The following SDK1 variants were observed in gnomAD, a reference collection of about 807,000 sequenced individuals.
The protein encoded by SDK1 is sidekick cell adhesion molecule 1.
SDK1 carries 157 observed loss-of-function variants against 245.5 expected under a neutral mutation model. The observed-to-expected ratio is 0.64, with a 90% CI of 0.56 to 0.73. The LOEUF is 0.73. SDK1 is among the 30% of genes least tolerant of loss of function. The pLI is 0.00. For synonymous variants in SDK1, 1,647 were observed against 1,278.5 expected (o/e 1.29, Z -6.15); for missense variants, 3,583 against 3,002.3 (o/e 1.19, Z -4.52).
At position 3,866,483 on chromosome 7, in the gene SDK1, G is replaced by A. The variant is rs114055944; in HGVS notation, c.847+44900G>A. Among the ~76,000 whole-genome samples the A allele has an allele frequency of 7.7e-3, 1,176 of 152,266 alleles. 18 individuals are homozygous for A. Among genetic ancestry groups the A allele is most frequent in the African/African-American group, 0.027 (1,101 of 41,536 alleles). On this transcript the variant is annotated intron_variant, in intron 5 of 44. Coordinates refer to ENST00000404826, the MANE Select transcript of SDK1 (RefSeq NM_152744.4). ...AAGTACACAGGCCTTAGGAAGGCGG[G>A]ACTTTTTTGTGTGTAGGGAAAGAAG...
intron 36 of SDK1, 149 bp from the exon 37 acceptor site, chr7:4,207,950 C>A: frequency 3.2e-6 from 2 of 629,814 alleles, no homozygotes; most frequent in Non-Finnish European, 2.8e-6. Context: ...CTCCCTGATT[C>A]CTCCAGGAGG....
At position 4,242,290 on chromosome 7, in the gene SDK1, C is replaced by T. The variant is rs549041581; in HGVS notation, c.6251+377C>T. Among the ~76,000 whole-genome samples, 6 of 152,268 alleles carry T rather than the reference C, an allele frequency of 3.9e-5. No individual in the cohort carries two copies. The East Asian group carries it at 1.2e-3, about 30-fold the overall frequency. On this transcript the variant is annotated intron_variant, in intron 43 of 44. Transcript: ENST00000404826. Reference sequence around the variant, plus strand: ...TGCCACAGGCCCGACCAGGTGTCCTCGCAAGCAAGCCTGGTGCTTGTTGCT... The same window carrying T: ...TGCCACAGGCCCGACCAGGTGTCCTTGCAAGCAAGCCTGGTGCTTGTTGCT...
At chr7:3,633,794 T>G (rs1414664460) in intron 2 of SDK1, among the ~76,000 whole-genome samples, 1 of 152,164 alleles carries the variant, frequency 6.6e-6, no homozygotes, top group African/African-American at 2.4e-5. Context: ...GTTGCATGGA[T>G]GGATATTGGG....
rs566584422 is a variant in SDK1 at position 3,528,329 on chromosome 7, C to T, written c.299-90751C>T. On this transcript the variant is annotated intron_variant, in intron 1 of 44. Coordinates refer to ENST00000404826, the MANE Select transcript of SDK1 (RefSeq NM_152744.4). ...ATGGTAGGAGGTAAGGTTGGATGAT[C>T]GTCAGCTGGGGGTTGAGTGGTGGGA... 1.6e-3 allele frequency among the ~76,000 whole-genome samples: 130 copies of T among 79,838 alleles called. 1 individual carries two copies. Among genetic ancestry groups the T allele is most frequent in the Non-Finnish European group, 2.5e-3 (103 of 40,902 alleles). The allele number at this position is 79,838 out of a possible 152,430, so 52.4% of individuals were successfully genotyped here. A position where few individuals can be genotyped will look rare whatever the true frequency, so the allele number is the denominator to read the frequency against.
chr7:3,879,173 T>A (rs6963058), intron 5 of SDK1, among the ~76,000 whole-genome samples: 42,391 of 151,894 alleles, frequency 0.28, 7,126 homozygotes, highest in African/African-American at 0.48. Context: ...CACCACTGAA[T>A]ATTCTTACTA....
rs543121082 is a variant in SDK1 at position 3,413,985 on chromosome 7, G to T, written c.298+112101G>T. ...AGACCCTATCTCTAAAAAATAAAAAGATAACTTGGGCTGCTGAGTGGAGAA... is the reference window on the plus strand; with the variant it reads ...AGACCCTATCTCTAAAAAATAAAAATATAACTTGGGCTGCTGAGTGGAGAA... On this transcript the variant is annotated intron_variant, in intron 1 of 44. Coordinates refer to ENST00000404826, the MANE Select transcript of SDK1 (RefSeq NM_152744.4). Among the ~76,000 whole-genome samples the T allele has an allele frequency of 2.6e-5, 4 of 152,192 alleles. No homozygotes were observed. The South Asian group carries it at 8.3e-4, about 32-fold the overall frequency.
chr7:3,780,663 G>C (rs1780702833), intron 4 of SDK1, among the ~76,000 whole-genome samples: 1 of 152,218 alleles, frequency 6.6e-6, no homozygotes, highest in South Asian at 2.1e-4. Context: ...GAAGCAAAGG[G>C]GCTAGATCAG....
chr7:3,577,623 A>C (rs748909170), intron 1 of SDK1, among the ~76,000 whole-genome samples: 9 of 151,966 alleles, frequency 5.9e-5, no homozygotes, highest in Non-Finnish European at 1.3e-4. Flanking sequence ...CTCTTTATTG[A>C]ACCTGTTTTG....
intron 1 of SDK1, among the ~76,000 whole-genome samples, chr7:3,615,097 A>G (rs1781725415): frequency 6.6e-6 from 1 of 151,666 alleles, no homozygotes; most frequent in African/African-American, 2.4e-5. Context: ...CAGATTTTTG[A>G]GTTTCTATCT....
rs544098043 is a variant in SDK1 at position 3,982,862 on chromosome 7, G to T, written c.1995-4324G>T. On this transcript the variant is annotated intron_variant, in intron 13 of 44. Coordinates refer to ENST00000404826, the MANE Select transcript of SDK1 (RefSeq NM_152744.4). ...CTCAAAAAAAAAAAAAAGAATGTTT[G>T]TGATTCATGGGAGGAGATCACAATA... Among the ~76,000 whole-genome samples, 44 of 151,874 alleles carry T rather than the reference G, an allele frequency of 2.9e-4. 1 individual carries two copies. Among genetic ancestry groups the T allele is most frequent in the Admixed American group, 2.6e-3 (39 of 15,242 alleles).
chr7:3,408,173 G>T (rs998001257), intron 1 of SDK1, among the ~76,000 whole-genome samples: 4 of 152,022 alleles, frequency 2.6e-5, no homozygotes, highest in Admixed American at 6.6e-5. Flanking sequence ...GAGTAGCTGG[G>T]ACTACAGATA....
chr7:4,059,413 T>C (rs1399496297), intron 19 of SDK1, among the ~76,000 whole-genome samples: 2 of 152,222 alleles, frequency 1.3e-5, no homozygotes, highest in Non-Finnish European at 2.9e-5. Flanking sequence ...TAAACATATA[T>C]AGACCAAACA....
At chr7:3,480,849 T>A (rs1237235778) in intron 1 of SDK1, among the ~76,000 whole-genome samples, 1 of 152,202 alleles carries the variant, frequency 6.6e-6, no homozygotes, top group Non-Finnish European at 1.5e-5. Context: ...GAAAGGCAGC[T>A]TTGTTGGTTG....
Position 3,346,741 on chromosome 7 carries a change from G to A in SDK1, c.298+44857G>A, listed in dbSNP as rs183509800. Among the ~76,000 whole-genome samples the A allele has an allele frequency of 2.4e-3, 278 of 117,894 alleles. 2 individuals are homozygous for A. The highest frequency in any genetic ancestry group is 8.9e-3 in the African/African-American group (259 of 29,008). The allele number at this position is 117,894 out of a possible 152,430, so 77.3% of individuals were successfully genotyped here. ...TATATGTATACATATATATATACAC[G>A]TATATATATGTGTGTGTGTATATAT... On this transcript the variant is annotated intron_variant, in intron 1 of 44. Transcript: ENST00000404826.
At chr7:3,491,042 C>G (rs1004685819) in intron 1 of SDK1, among the ~76,000 whole-genome samples, 1 of 152,234 alleles carries the variant, frequency 6.6e-6, no homozygotes, top group African/African-American at 2.4e-5. Context: ...TTACTCTAGT[C>G]TTCACAGTAA....
chr7:3,439,368 G>T (rs1780127379), intron 1 of SDK1, among the ~76,000 whole-genome samples: 1 of 152,142 alleles, frequency 6.6e-6, no homozygotes. Context: ...GCAAGCTCCG[G>T]ATGCAGCTGT....
At chr7:3,553,845 G>A (rs1779493544) in intron 1 of SDK1, among the ~76,000 whole-genome samples, 1 of 152,134 alleles carries the variant, frequency 6.6e-6, no homozygotes, top group South Asian at 2.1e-4. Context: ...TCCTTCTACT[G>A]AGGGACACTG....
chr7:3,940,751 G>T (rs1583594605), intron 5 of SDK1, among the ~76,000 whole-genome samples: 1 of 152,096 alleles, frequency 6.6e-6, no homozygotes, highest in South Asian at 2.1e-4. Flanking sequence ...AACCTGGGAG[G>T]TGGAGGTTGC....
At chr7:4,190,646 C>T (rs1783143374) in intron 35 of SDK1, among the ~76,000 whole-genome samples, 1 of 152,272 alleles carries the variant, frequency 6.6e-6, no homozygotes, top group Non-Finnish European at 1.5e-5. Context: ...CGGCCCACAG[C>T]AGGCTGTGCA....
Sources: gnomAD v4.1 joint callset for allele counts (sites outside exome capture counted in the v4.1 genomes callset) on GRCh38, gnomAD v4.1.1 for gene constraint, MANE v1.5 for transcripts, NCBI Gene and HGNC (gene_info 2026-07-23, HGNC 2026-07-21) for gene names.